Variants in CEP128 observed in about 807,000 individuals in gnomAD.
The protein encoded by CEP128 is centrosomal protein 128, also known as centrosomal protein 128kDa.
Under a neutral mutation model 156.7 loss-of-function variants are expected in CEP128, and 132 were observed. That is an observed-to-expected ratio of 0.84 (90% CI 0.73 to 0.97). The LOEUF (loss-of-function observed/expected upper bound fraction) is 0.97, where lower values mean the gene tolerates loss of function less well. CEP128 is among the 50% of genes least tolerant of loss of function. CEP128 has a pLI of 0.00. For synonymous variants in CEP128, 469 were observed against 448.9 expected, an observed-to-expected ratio of 1.04 and a Z score of -0.57; for missense variants, 1,252 against 1,281.9, an observed-to-expected ratio of 0.98 and a Z score of 0.36.
chr14:80,876,948 C>A (rs989406864), intron 8 of CEP128, among the ~76,000 whole-genome samples: 4 of 152,106 alleles, frequency 2.6e-5, no homozygotes, highest in African/African-American at 9.7e-5. Flanking sequence ...TAAGGGTAAA[C>A]CTAAATAAAC....
At chr14:80,913,521 G>A (rs1884368184) in intron 4 of CEP128, among the ~76,000 whole-genome samples, 1 of 152,182 alleles carries the variant, frequency 6.6e-6, no homozygotes, top group South Asian at 2.1e-4. Flanking sequence ...GGCTCAAAGG[G>A]AGGTTGGATA....
At chr14:80,486,214 C>G (rs1285834699), downstream of CEP128, among the ~76,000 whole-genome samples, 1 of 151,596 alleles carries the variant, frequency 6.6e-6, no homozygotes, top group South Asian at 2.1e-4. Context: ...AAGAACTAGG[C>G]GAAGAATGCA....
intron 21 of CEP128, among the ~76,000 whole-genome samples, chr14:80,559,030 C>T (rs918957901): frequency 2.6e-5 from 4 of 152,162 alleles, no homozygotes; most frequent in Admixed American, 2.6e-4. Flanking sequence ...TAAATTAGTA[C>T]ATCTTGACAT....
intron 18 of CEP128, among the ~76,000 whole-genome samples, chr14:80,747,364 A>C (rs570819366): frequency 1.3e-5 from 2 of 152,232 alleles, no homozygotes; most frequent in Non-Finnish European, 2.9e-5. Context: ...CAGATTTAAA[A>C]AGTGGAGTAT....
At chr14:80,585,209 T>C (rs1245645605) in intron 19 of CEP128, among the ~76,000 whole-genome samples, 1 of 152,236 alleles carries the variant, frequency 6.6e-6, no homozygotes, top group African/African-American at 2.4e-5. Flanking sequence ...TCCTGTTTTG[T>C]TTTGTTTCTG....
chr14:80,693,683 G>A (rs1896793943), intron 19 of CEP128, among the ~76,000 whole-genome samples: 4 of 152,094 alleles, frequency 2.6e-5, no homozygotes, highest in Admixed American at 2.0e-4. Flanking sequence ...GTATCATAAA[G>A]AGGCAGTTCC....
Position 80,895,769 on chromosome 14 carries a change from C to T in CEP128, c.594G>A (p.Arg198=), listed in dbSNP as rs1161444574. 1.3e-6 allele frequency: 2 copies of T among 1,542,316 alleles called. No individual in the cohort carries two copies. Among genetic ancestry groups the T allele is most frequent in the Admixed American group, 1.9e-5 (1 of 52,194 alleles). Residue 198 remains arginine, a synonymous_variant, in exon 8 of 25, where the codon AGG becomes AGA. Coordinates refer to ENST00000555265, the MANE Select transcript of CEP128 (RefSeq NM_152446.5). ...GTTTTTCAGTCAATTCTTCCAAAGC[C>T]CTTTTTGTTTCGGCATCTGACCTAG... The part of the protein sequence containing the change: ...RRSRSDAETK[R]ALEELTEKLN...
intron 20 of CEP128, among the ~76,000 whole-genome samples, chr14:80,562,655 C>CTTTTTTTTTTTTT (rs1170778718): frequency 8.7e-6 from 1 of 114,384 alleles, no homozygotes; most frequent in Non-Finnish European, 1.9e-5. Flanking sequence ...CTTTTCTTTT[C>CTTTTTTTTTTTTT]TTTTTTTTTT....
chr14:80,746,771 T>C (rs1595338654), intron 18 of CEP128, among the ~76,000 whole-genome samples: 1 of 152,306 alleles, frequency 6.6e-6, no homozygotes, highest in East Asian at 1.9e-4. Flanking sequence ...ATGCTGTGCT[T>C]TAAAGGCCAC....
intron 23 of CEP128, among the ~76,000 whole-genome samples, chr14:80,517,111 G>C (rs549428394): frequency 1.3e-5 from 2 of 151,732 alleles, no homozygotes; most frequent in African/African-American, 4.8e-5. Context: ...TCCTAATATT[G>C]GCCATTTGTA....
intron 11 of CEP128, 107 bp from the exon 12 acceptor site, chr14:80,836,444 G>T: frequency 2.5e-6 from 3 of 1,206,992 alleles, no homozygotes; most frequent in Non-Finnish European, 3.6e-6. Context: ...CTCCTTCCAA[G>T]CATAGTGGAA....
chr14:80,784,356 T>C (rs1304792904), intron 15 of CEP128, among the ~76,000 whole-genome samples: 2 of 151,672 alleles, frequency 1.3e-5, no homozygotes, highest in Admixed American at 1.3e-4. Flanking sequence ...ATGATTGCCC[T>C]GCATGGTGAT....
At chr14:80,597,113 A>C (rs971437319) in intron 19 of CEP128, among the ~76,000 whole-genome samples, 4 of 152,064 alleles carry the variant, frequency 2.6e-5, no homozygotes, top group African/African-American at 9.7e-5. Flanking sequence ...GGGAAAAAAA[A>C]GTCAATGAAA....
intron 19 of CEP128, among the ~76,000 whole-genome samples, chr14:80,630,581 T>A (rs1173839229): frequency 6.6e-6 from 1 of 151,964 alleles, no homozygotes; most frequent in Non-Finnish European, 1.5e-5. Context: ...AAACCACAAG[T>A]TACAATAAAA....
chr14:80,757,627 T>C (rs750586417), intron 17 of CEP128, among the ~76,000 whole-genome samples: 2 of 152,240 alleles, frequency 1.3e-5, no homozygotes, highest in Non-Finnish European at 1.5e-5. Flanking sequence ...TTTCTCAATT[T>C]GTACTTTTGT....
At chr14:80,504,503 C>T (rs1566743997) in intron 24 of CEP128, among the ~76,000 whole-genome samples, 1 of 152,192 alleles carries the variant, frequency 6.6e-6, no homozygotes, top group Non-Finnish European at 1.5e-5. Flanking sequence ...TGAAATCTAG[C>T]AGTAATAGTA....
At chr14:80,807,773 A>G (rs1034004940) in intron 13 of CEP128, among the ~76,000 whole-genome samples, 3 of 152,164 alleles carry the variant, frequency 2.0e-5, no homozygotes, top group African/African-American at 4.8e-5. Context: ...AAGCAGCTAC[A>G]GCTGGGTGCC....
intron 19 of CEP128, among the ~76,000 whole-genome samples, chr14:80,643,229 A>T (rs555224781): frequency 6.6e-6 from 1 of 152,272 alleles, no homozygotes; most frequent in Admixed American, 6.5e-5. Flanking sequence ...AACTAGATAA[A>T]CCCAAAGAAT....
In CEP128 at chr14:80,895,808, A is replaced by AAAG; in HGVS notation, c.573-19_573-18insCTT. On this transcript the variant is annotated intron_variant, in intron 7 of 24. Transcript: ENST00000555265. ...CATCTGACCTAGGAAGAAAAAAAAA[A>AAAG]AAAAGATTTAAATTTGGATATTTAG... is the stretch of plus-strand genomic sequence containing the variant. 1 of 1,485,474 alleles carries AAAG rather than the reference A, an allele frequency of 6.7e-7. No individual in the cohort carries two copies. Among genetic ancestry groups the AAAG allele is most frequent in the South Asian group, 1.3e-5 (1 of 74,522 alleles). 92.0% of individuals were successfully genotyped at this position (1,485,474 alleles called of 1,614,324 possible). A position where few individuals can be genotyped will look rare whatever the true frequency, so the allele number is the denominator to read the frequency against.
Sources: allele counts gnomAD v4.1 joint callset (sites outside exome capture counted in the v4.1 genomes callset), GRCh38; gene constraint gnomAD v4.1.1; transcripts MANE v1.5; gene names NCBI Gene and HGNC (gene_info 2026-07-23, HGNC 2026-07-21).